SAMD4A: variants seen among roughly 807,000 people sequenced by gnomAD.
SAMD4A encodes the protein protein Smaug homolog 1.
Under a neutral mutation model 81.3 loss-of-function variants are expected in SAMD4A, and 33 were observed. The observed-to-expected ratio is 0.41, with a 90% CI of 0.31 to 0.54. The LOEUF is 0.54. SAMD4A is among the 20% of genes least tolerant of loss of function. The pLI, the probability that SAMD4A is intolerant of heterozygous loss-of-function variation, is 0.37. For synonymous variants in SAMD4A, 389 were observed against 382.1 expected, an observed-to-expected ratio of 1.02 and a Z score of -0.21; for missense variants, 854 against 951.1, an observed-to-expected ratio of 0.90 and a Z score of 1.34.
chr14:54,745,074 C>G (rs1418654223), intron 4 of SAMD4A, among the ~76,000 whole-genome samples: 1 of 152,196 alleles, frequency 6.6e-6, no homozygotes. Context: ...TTCTCCCCTG[C>G]CACGCATCCC....
At chr14:54,787,294 A>G (rs1259864731) in intron 12 of SAMD4A, among the ~76,000 whole-genome samples, 1 of 152,226 alleles carries the variant, frequency 6.6e-6, no homozygotes, top group African/African-American at 2.4e-5. Flanking sequence ...TACAGAACTT[A>G]TATACAAGTG....
intron 11 of SAMD4A, among the ~76,000 whole-genome samples, chr14:54,777,199 C>G (rs1404302827): frequency 6.7e-6 from 1 of 149,442 alleles, no homozygotes; most frequent in Admixed American, 6.6e-5. Context: ...CTGGATGGAC[C>G]CCCCCCCACC....
chr14:54,665,200 TA>T (rs1205000521), intron 2 of SAMD4A, among the ~76,000 whole-genome samples: 2 of 152,212 alleles, frequency 1.3e-5, no homozygotes, highest in African/African-American at 2.4e-5. Flanking sequence ...TCTTTAACAA[TA>T]AAAGCCATAT....
intron 2 of SAMD4A, among the ~76,000 whole-genome samples, chr14:54,575,795 AATT>A (rs1264747323): frequency 3.3e-5 from 5 of 152,232 alleles, no homozygotes; most frequent in Admixed American, 6.5e-5. Flanking sequence ...TCACTCATTA[AATT>A]ATTTGAGCAT....
chr14:54,723,675 G>A (rs900410759), intron 3 of SAMD4A, among the ~76,000 whole-genome samples: 5 of 152,296 alleles, frequency 3.3e-5, no homozygotes, highest in Middle Eastern at 3.4e-3. Flanking sequence ...TAGCTTCTGC[G>A]TGTTTCTGAA....
intron 2 of SAMD4A, among the ~76,000 whole-genome samples, chr14:54,579,201 G>A (rs956346781): frequency 2.0e-4 from 30 of 152,340 alleles, no homozygotes; most frequent in African/African-American, 6.7e-4. Context: ...GAAGCAGAAC[G>A]AGTGGTTGTG....
In SAMD4A at chr14:54,789,881, T is replaced by C. The variant is rs1379361370; in HGVS notation, c.*937T>C. 6.6e-6 allele frequency: 1 copy of C among 152,242 alleles called. No homozygotes were observed. The highest frequency in any genetic ancestry group is 1.9e-4 in the East Asian group (1 of 5,190). 9.4% of individuals were successfully genotyped at this position (152,242 alleles called of 1,614,324 possible). On this transcript the variant is annotated 3_prime_UTR_variant, in exon 13 of 13. Coordinates refer to ENST00000554335, the MANE Select transcript of SAMD4A (RefSeq NM_015589.6). ...GATGAGGACATCATGTGATCAGTTA[T>C]GGGTTTGCTCGCAGGGCACCCAGAG...
rs192548951 is a variant in SAMD4A at position 54,644,654 on chromosome 14, G to A, written c.197-57408G>A. On this transcript the variant is annotated intron_variant, in intron 2 of 12. Transcript: ENST00000554335. ...TCTGCATGGCCCTCGGTAAGGGAAG[G>A]GTTTAATTCTAGTGTTCAGCTTTAA... 7.5e-4 allele frequency among the ~76,000 whole-genome samples: 114 copies of A among 152,218 alleles called. 1 individual carries two copies. Among genetic ancestry groups the A allele is most frequent in the Non-Finnish European group, 1.0e-3 (68 of 68,024 alleles).
chr14:54,780,166 A>G (rs2038964144), intron 11 of SAMD4A, among the ~76,000 whole-genome samples: 1 of 152,204 alleles, frequency 6.6e-6, no homozygotes, highest in South Asian at 2.1e-4. Flanking sequence ...TCAGAAGGGT[A>G]GGCTGCACAG....
rs2038806932 is a variant in SAMD4A, at chr14:54,775,070, G to A, written c.1852G>A (p.Gly618Arg). Residue 618 changes from glycine to arginine, a missense_variant, in exon 10 of 13, where the codon GGA becomes AGA. By Grantham distance (125) the Gly-to-Arg change is moderately radical (BLOSUM62 -2). Coordinates refer to ENST00000554335, the MANE Select transcript of SAMD4A (RefSeq NM_015589.6). ...SARLGLLGTS[G>R]FVSSNQRNTT... The stretch of plus-strand genomic sequence containing the variant: ...CCGCCTGGGCCTCTTGGGCACCAGT[G>A]GATTCGTCAGCTCCAACCAGCGCAA... The A allele has an allele frequency of 6.2e-7, 1 of 1,614,048 alleles. No homozygotes were observed. The highest frequency in any genetic ancestry group is 1.1e-5 in the South Asian group (1 of 91,082).
Position 54,766,291 on chromosome 14 carries a change from G to GTTACA in SAMD4A, c.1596+1752_1596+1756dup, listed in dbSNP as rs372436606. On this transcript the variant is annotated intron_variant, in intron 8 of 12. Coordinates refer to ENST00000554335, the MANE Select transcript of SAMD4A (RefSeq NM_015589.6). ...AGAAAGCAAGAACACAGTGAAGAAT[G>GTTACA]TTACAACTCGTCCATTCCCTAGATA... is the stretch of plus-strand genomic sequence containing the variant. Among the ~76,000 whole-genome samples the GTTACA allele has an allele frequency of 5.3e-3, 811 of 152,268 alleles. 7 individuals are homozygous for GTTACA. The highest frequency in any genetic ancestry group is 0.018 in the African/African-American group (758 of 41,538).
intron 3 of SAMD4A, among the ~76,000 whole-genome samples, chr14:54,711,680 G>T (rs568739765): frequency 3.0e-4 from 46 of 152,242 alleles, no homozygotes; most frequent in Middle Eastern, 3.4e-3. Context: ...ACATTGGTTT[G>T]GTCCTTGTTC....
chr14:54,664,886 T>C (rs2035724617), intron 2 of SAMD4A, among the ~76,000 whole-genome samples: 1 of 151,898 alleles, frequency 6.6e-6, no homozygotes, highest in Non-Finnish European at 1.5e-5. Flanking sequence ...TTTTAAAGTG[T>C]GACTTAACAT....
chr14:54,734,859 C>T (rs528827360), intron 3 of SAMD4A: 9 of 152,246 alleles, frequency 5.9e-5, no homozygotes, highest in Non-Finnish European at 1.0e-4. Flanking sequence ...GTTATGGCCT[C>T]TAACCAGCCC....
chr14:54,695,876 C>G (rs1594823991), intron 2 of SAMD4A, among the ~76,000 whole-genome samples: 1 of 150,958 alleles, frequency 6.6e-6, no homozygotes, highest in East Asian at 1.9e-4. Context: ...TCGCTTGAAC[C>G]CAGGAGGCGG....
chr14:54,658,341 C>T (rs2035569821), intron 2 of SAMD4A, among the ~76,000 whole-genome samples: 1 of 152,326 alleles, frequency 6.6e-6, no homozygotes, highest in South Asian at 2.1e-4. Flanking sequence ...AACTATTTGG[C>T]TTTCCAAATA....
At chr14:54,734,635 G>T (rs918824317) in intron 3 of SAMD4A, among the ~76,000 whole-genome samples, 2 of 152,198 alleles carry the variant, frequency 1.3e-5, no homozygotes, top group African/African-American at 4.8e-5. Flanking sequence ...TCAATAGCCA[G>T]TGAAGTCCTT....
chr14:54,684,456 A>G (rs2036202474), intron 2 of SAMD4A, among the ~76,000 whole-genome samples: 1 of 152,226 alleles, frequency 6.6e-6, no homozygotes, highest in Admixed American at 6.5e-5. Context: ...TGTGGTGCCC[A>G]ACAGGCCTGG....
intron 3 of SAMD4A, among the ~76,000 whole-genome samples, chr14:54,719,360 C>G (rs1344645518): frequency 6.6e-6 from 1 of 152,188 alleles, no homozygotes; most frequent in Non-Finnish European, 1.5e-5. Flanking sequence ...TCCTTTGGTG[C>G]TGGAGAAGTT....
Sources: allele counts gnomAD v4.1 joint callset (sites outside exome capture counted in the v4.1 genomes callset), GRCh38; gene constraint gnomAD v4.1.1; transcripts MANE v1.5; gene names NCBI Gene and HGNC (gene_info 2026-07-23, HGNC 2026-07-21).